Variants in INSL6 observed in about 807,000 individuals in gnomAD.
INSL6 encodes the protein insulin-like peptide INSL6.
INSL6 carries 16 observed loss-of-function variants against 9.4 expected under a neutral mutation model. That is an observed-to-expected ratio of 1.70 (90% confidence interval 1.15 to 2.59). The LOEUF is 2.59. INSL6 is among the 30% of genes most tolerant of loss of function. The probability of loss-of-function intolerance (pLI) is 0.00; values close to 1 mark genes in which losing one functional copy is unlikely to be tolerated. For missense variants in INSL6, 391 were observed against 257.3 expected, an observed-to-expected ratio of 1.52 and a Z score of -3.56; for synonymous variants, 154 against 96.9, an observed-to-expected ratio of 1.59 and a Z score of -3.46.
chr9:5,114,608 C>T, the INSL6 span: 342 of 488,194 alleles, frequency 7.0e-4, 8 homozygotes, highest in South Asian at 2.4e-3. Context: ...GGCTGTACAA[C>T]GAGGTGCAGC....
chr9:5,131,789 C>T (rs2083543478), intron 3 of INSL6, among the ~76,000 whole-genome samples: 1 of 152,148 alleles, frequency 6.6e-6, no homozygotes, highest in African/African-American at 2.4e-5. Context: ...CCGTCATGTG[C>T]AGGCTGTAGG....
the INSL6 span, among the ~76,000 whole-genome samples, chr9:5,035,459 A>G: frequency 6.6e-6 from 1 of 152,222 alleles, no homozygotes; most frequent in African/African-American, 2.4e-5. Flanking sequence ...AATATCCTTG[A>G]TGAACATTGA....
At chr9:5,147,160 C>T (rs558035756) in intron 2 of INSL6, among the ~76,000 whole-genome samples, 70 of 152,120 alleles carry the variant, frequency 4.6e-4, no homozygotes, top group Non-Finnish European at 5.0e-4. Flanking sequence ...TGCTTGTCTC[C>T]TGGGGGCTCT....
chr9:5,152,506 A>C (rs1824731200), intron 2 of INSL6, among the ~76,000 whole-genome samples: 1 of 152,228 alleles, frequency 6.6e-6, no homozygotes. Context: ...CTAATGAATG[A>C]AAATGAAAAT....
rs938069648 is a variant in INSL6 at position 5,155,217 on chromosome 9, T to A, written c.376+8962A>T. Among the ~76,000 whole-genome samples the A allele has an allele frequency of 2.0e-5, 3 of 149,934 alleles. No homozygotes were observed. In the South Asian group the frequency reaches 6.4e-4, roughly 32 times the overall value. On this transcript the variant is annotated intron_variant, in intron 2 of 3. Transcript: ENST00000649639. Reference sequence around the variant, plus strand: ...GGAAACCATCATTCTCAGCAAAGTATCCCAAGGACAAAAAACCAAACACTG... The same window carrying A: ...GGAAACCATCATTCTCAGCAAAGTAACCCAAGGACAAAAAACCAAACACTG...
chr9:5,101,798 C>A, the INSL6 span, among the ~76,000 whole-genome samples: 3 of 152,184 alleles, frequency 2.0e-5, no homozygotes, highest in Non-Finnish European at 4.4e-5. Context: ...AAGAGACCTG[C>A]AGCTGAGGGA....
chr9:5,074,591 G>C, the INSL6 span, among the ~76,000 whole-genome samples: 1 of 152,180 alleles, frequency 6.6e-6, no homozygotes, highest in Non-Finnish European at 1.5e-5. Context: ...TGTGTGCTCT[G>C]ACTGCTCCAT....
chr9:5,131,292 G>A (rs1316435980), intron 3 of INSL6, among the ~76,000 whole-genome samples: 2 of 151,926 alleles, frequency 1.3e-5, no homozygotes, highest in Non-Finnish European at 2.9e-5. Context: ...AAGTATATTA[G>A]AACAAAATTT....
chr9:5,180,346 T>C (rs1207134677), intron 1 of INSL6, among the ~76,000 whole-genome samples: 1 of 152,104 alleles, frequency 6.6e-6, no homozygotes, highest in African/African-American at 2.4e-5. Flanking sequence ...AACAGCAATT[T>C]TTAGGGAACA....
At chr9:5,043,237 T>A in the INSL6 span, among the ~76,000 whole-genome samples, 2 of 152,186 alleles carry the variant, frequency 1.3e-5, no homozygotes, top group African/African-American at 4.8e-5. Context: ...AGTCTGGTTT[T>A]TGCTTTACCA....
intron 3 of INSL6, chr9:5,125,938 A>T (rs1253399459): frequency 1.3e-5 from 2 of 152,886 alleles, no homozygotes; most frequent in East Asian, 3.8e-4. Context: ...TTGACATATG[A>T]AAGTTTTCTT....
At chr9:5,018,743 T>C in the INSL6 span, among the ~76,000 whole-genome samples, 1 of 152,212 alleles carries the variant, frequency 6.6e-6, no homozygotes, top group Admixed American at 6.5e-5. Context: ...TCAGAAAAAC[T>C]ATTTTTCCTT....
At chr9:5,029,720 G>C in the INSL6 span, 1 of 1,371,948 alleles carries the variant, frequency 7.3e-7, no homozygotes, top group Non-Finnish European at 9.8e-7. Flanking sequence ...TCAAATTATA[G>C]GTGCTATGTA....
the INSL6 span, among the ~76,000 whole-genome samples, chr9:5,008,070 C>A: frequency 0.38 from 57,470 of 151,942 alleles, 12,584 homozygotes; most frequent in African/African-American, 0.62. Context: ...CACAGAATAA[C>A]ATGAGTGGGT....
the INSL6 span, among the ~76,000 whole-genome samples, chr9:5,088,776 G>C: frequency 1.3e-5 from 2 of 152,196 alleles, no homozygotes; most frequent in African/African-American, 4.8e-5. Flanking sequence ...ACATGGGAGA[G>C]AGAGATTGCT....
In INSL6 at chr9:5,178,483, C is replaced by A. The variant is rs1825369789; in HGVS notation, c.289+6831G>T. ...ACTGGGCAGGACCTCCATGTGGAGG[C>A]TTCAGCCACTCCAGCCAGAGTTATA... On this transcript the variant is annotated intron_variant, in intron 1 of 1. Transcript: ENST00000381641. Among the ~76,000 whole-genome samples the A allele has an allele frequency of 2.0e-5, 3 of 152,210 alleles. No individual in the cohort carries two copies. In the South Asian group the frequency reaches 6.2e-4, roughly 32 times the overall value.
chr9:5,086,881 T>C, the INSL6 span, among the ~76,000 whole-genome samples: 1 of 152,212 alleles, frequency 6.6e-6, no homozygotes, highest in Non-Finnish European at 1.5e-5. Context: ...CGCGTTTAAA[T>C]GTTCATATCT....
At chr9:5,013,276 C>T in the INSL6 span, among the ~76,000 whole-genome samples, 11 of 152,062 alleles carry the variant, frequency 7.2e-5, no homozygotes, top group South Asian at 4.1e-4. Flanking sequence ...TTACATTTCA[C>T]CTCACCATAT....
chr9:5,151,648 G>A (rs1824714936), intron 2 of INSL6, among the ~76,000 whole-genome samples: 1 of 151,856 alleles, frequency 6.6e-6, no homozygotes, highest in Non-Finnish European at 1.5e-5. Context: ...AAAAACGAAA[G>A]TTTAAAGATA....
Sources: gnomAD v4.1 joint callset for allele counts (sites outside exome capture counted in the v4.1 genomes callset) on GRCh38, gnomAD v4.1.1 for gene constraint, MANE v1.5 for transcripts, NCBI Gene and HGNC (gene_info 2026-07-23, HGNC 2026-07-21) for gene names.